The following SLC10A7 variants were observed in gnomAD, a reference collection of about 807,000 sequenced individuals.
SLC10A7 encodes the protein solute carrier family 10 member 7.
SLC10A7 carries 29 observed loss-of-function variants against 43.2 expected under a neutral mutation model. The observed-to-expected ratio is 0.67, with a 90% CI of 0.50 to 0.92. The LOEUF is 0.92. Ranked by LOEUF, SLC10A7 falls within the 40% of genes least tolerant of loss-of-function variation. The pLI is 0.00. For missense variants in SLC10A7, 295 were observed against 403.2 expected (o/e 0.73, Z 2.30); for synonymous variants, 152 against 144.8 (o/e 1.05, Z -0.35).
At chr4:146,466,927 T>C (rs1733084500) in intron 4 of SLC10A7, among the ~76,000 whole-genome samples, 1 of 152,104 alleles carries the variant, frequency 6.6e-6, no homozygotes, top group African/African-American at 2.4e-5. Flanking sequence ...TTTTCAATGT[T>C]AAGATTAACT....
intron 9 of SLC10A7, among the ~76,000 whole-genome samples, chr4:146,287,105 A>AGTCTGGAGTGGTGAGAAGGACAGT (rs1730068255): frequency 1.5e-5 from 1 of 66,462 alleles, no homozygotes. Flanking sequence ...AGAAGGACCG[A>AGTCTGGAGTGGTGAGAAGGACAGT]GTCTGGAGTG....
intron 9 of SLC10A7, among the ~76,000 whole-genome samples, chr4:146,286,174 C>CT (rs1729914529): frequency 1.7e-5 from 1 of 57,996 alleles, no homozygotes; most frequent in Non-Finnish European, 3.4e-5. Context: ...GTGAGAAGGA[C>CT]GGAGTTTGGA....
At chr4:146,366,457 T>G (rs1736398062) in intron 5 of SLC10A7, among the ~76,000 whole-genome samples, 1 of 151,342 alleles carries the variant, frequency 6.6e-6, no homozygotes, top group African/African-American at 2.5e-5. Context: ...GTCTTCCAGA[T>G]TTTTTCAGTT....
At chr4:146,439,868 C>T (rs2149885920) in intron 5 of SLC10A7, among the ~76,000 whole-genome samples, 1 of 152,224 alleles carries the variant, frequency 6.6e-6, no homozygotes, top group East Asian at 1.9e-4. Flanking sequence ...TCACAAATAG[C>T]TGTAACAAGT....
chr4:146,511,692 GA>G (rs1257359433), intron 2 of SLC10A7, among the ~76,000 whole-genome samples: 2 of 152,092 alleles, frequency 1.3e-5, no homozygotes, highest in Non-Finnish European at 2.9e-5. Context: ...AGGACCACTA[GA>G]AAACACTCAG....
At chr4:146,519,326 A>AGGCAGT (rs1738397862) in intron 1 of SLC10A7, among the ~76,000 whole-genome samples, 1 of 145,250 alleles carries the variant, frequency 6.9e-6, no homozygotes, top group African/African-American at 2.5e-5. Context: ...ACATTATTTA[A>AGGCAGT]CATAATATAT....
chr4:146,415,196 C>T (rs1374854846), intron 5 of SLC10A7, among the ~76,000 whole-genome samples: 1 of 152,128 alleles, frequency 6.6e-6, no homozygotes, highest in Non-Finnish European at 1.5e-5. Context: ...CTTTCTGTAA[C>T]TTGAACTAAC....
intron 4 of SLC10A7, among the ~76,000 whole-genome samples, chr4:146,458,395 G>A (rs980453725): frequency 2.0e-5 from 3 of 151,626 alleles, no homozygotes; most frequent in Non-Finnish European, 4.4e-5. Context: ...CCTAAAATCA[G>A]GAACAAAGTT....
At chr4:146,460,733 T>C (rs560840538) in intron 4 of SLC10A7, among the ~76,000 whole-genome samples, 5 of 152,062 alleles carry the variant, frequency 3.3e-5, no homozygotes, top group African/African-American at 1.2e-4. Flanking sequence ...TAAATCTTGA[T>C]TGTAGTAGTG....
chr4:146,510,286 G>A (rs1737337657), intron 2 of SLC10A7, among the ~76,000 whole-genome samples: 1 of 148,912 alleles, frequency 6.7e-6, no homozygotes, highest in Non-Finnish European at 1.5e-5. Context: ...TTGAGATGGA[G>A]TTTTTGCTCG....
chr4:146,467,562 CTTTTTT>C (rs397995707), intron 4 of SLC10A7, among the ~76,000 whole-genome samples: 22 of 92,832 alleles, frequency 2.4e-4, no homozygotes, highest in African/African-American at 8.4e-4. Context: ...TTCTTTCTCT[CTTTTTT>C]TTTTTTTTTT....
intron 5 of SLC10A7, among the ~76,000 whole-genome samples, chr4:146,415,932 C>CCTAGCCT (rs1728529983): frequency 1.3e-5 from 2 of 152,134 alleles, no homozygotes. Flanking sequence ...AGGAAAGCTC[C>CCTAGCCT]CTAGCCTCTA....
intron 6 of SLC10A7, among the ~76,000 whole-genome samples, chr4:146,306,754 C>G (rs1473261869): frequency 6.6e-6 from 1 of 152,128 alleles, no homozygotes; most frequent in African/African-American, 2.4e-5. Flanking sequence ...GCTAAGTCTT[C>G]CTATGGAACT....
At chr4:146,481,054 C>A (rs1183994711) in intron 4 of SLC10A7, among the ~76,000 whole-genome samples, 2 of 152,102 alleles carry the variant, frequency 1.3e-5, no homozygotes, top group Non-Finnish European at 2.9e-5. Context: ...ATCCTGCCCA[C>A]CAAAGGACTC....
chr4:146,471,642 A>T (rs919956951), intron 4 of SLC10A7, among the ~76,000 whole-genome samples: 2 of 152,226 alleles, frequency 1.3e-5, no homozygotes, highest in African/African-American at 4.8e-5. Flanking sequence ...ACTGCAATTA[A>T]ATATCGTCAT....
chr4:146,476,363 A>G (rs1734031078), intron 4 of SLC10A7, among the ~76,000 whole-genome samples: 1 of 152,186 alleles, frequency 6.6e-6, no homozygotes, highest in African/African-American at 2.4e-5. Flanking sequence ...CAGGGCACCA[A>G]TGGCCAATGC....
intron 4 of SLC10A7, among the ~76,000 whole-genome samples, chr4:146,484,125 G>A (rs920608402): frequency 6.6e-6 from 1 of 152,208 alleles, no homozygotes; most frequent in African/African-American, 2.4e-5. Context: ...GCCAAGGCAG[G>A]AGGATTGCTT....
intron 5 of SLC10A7, among the ~76,000 whole-genome samples, chr4:146,389,963 G>C (rs979672178): frequency 1.3e-5 from 2 of 152,168 alleles, no homozygotes; most frequent in African/African-American, 4.8e-5. Flanking sequence ...ATAAATGTTA[G>C]CTGAATGCAA....
intron 5 of SLC10A7, among the ~76,000 whole-genome samples, chr4:146,395,164 T>A (rs1350231642): frequency 1.3e-5 from 2 of 151,186 alleles, no homozygotes; most frequent in South Asian, 4.2e-4. Flanking sequence ...AGAACAGGAG[T>A]TTGAGACCAG....
Sources: gnomAD v4.1 joint callset for allele counts (sites outside exome capture counted in the v4.1 genomes callset) on GRCh38, gnomAD v4.1.1 for gene constraint, MANE v1.5 for transcripts, NCBI Gene and HGNC (gene_info 2026-07-23, HGNC 2026-07-21) for gene names.